The following PITPNM2 variants were observed in gnomAD, a reference collection of about 807,000 sequenced individuals.
The protein encoded by PITPNM2 is phosphatidylinositol transfer protein membrane associated 2.
PITPNM2 carries 35 observed loss-of-function variants against 132.2 expected under a neutral mutation model. The ratio of observed to expected loss-of-function variants is 0.26; its 90% confidence interval spans 0.20 to 0.35. The LOEUF is 0.35. Ranked by LOEUF, PITPNM2 falls within the 10% of genes least tolerant of loss-of-function variation. The probability of loss-of-function intolerance (pLI) is 1.00; values close to 1 mark genes in which losing one functional copy is unlikely to be tolerated. For missense variants in PITPNM2, 1,332 were observed against 1,912.0 expected (o/e 0.70, Z 5.66); for synonymous variants, 738 against 799.2 (o/e 0.92, Z 1.29).
intron 3 of PITPNM2, among the ~76,000 whole-genome samples, chr12:123,021,017 G>A (rs1321659781): frequency 4.0e-5 from 4 of 100,698 alleles, no homozygotes; most frequent in South Asian, 6.7e-4. Context: ...CGACAAGAGC[G>A]AAATTCCATC....
At position 123,082,709 on chromosome 12, in the gene PITPNM2, T is replaced by G. The variant is rs2042000115; in HGVS notation, c.-96+27676A>C. 2 of 152,308 alleles carry G rather than the reference T, an allele frequency of 1.3e-5. No individual in the cohort carries two copies. Among genetic ancestry groups the G allele is most frequent in the African/African-American group, 4.8e-5 (2 of 41,460 alleles). 9.4% of individuals were successfully genotyped at this position (152,308 alleles called of 1,614,324 possible). A position where few individuals can be genotyped will look rare whatever the true frequency, so the allele number is the denominator to read the frequency against. Reference sequence around the variant, plus strand: ...CCTTGGCCTCCCAAAGTGCTGGGATTGCAGGCGTGGCCACCGTGCCTGACC... The same window carrying G: ...CCTTGGCCTCCCAAAGTGCTGGGATGGCAGGCGTGGCCACCGTGCCTGACC... On this transcript the variant is annotated intron_variant, in intron 2 of 25. Transcript: ENST00000320201. The surrounding 1 kb of genome is among the most constrained non-coding windows in gnomAD (Gnocchi z 5.4).
chr12:123,005,892 G>GT lies in PITPNM2; in HGVS notation c.644-345dup, dbSNP rs1419689198. The GT allele has an allele frequency of 4.0e-6, 1 of 251,060 alleles. No individual in the cohort carries two copies. Among genetic ancestry groups the GT allele is most frequent in the Non-Finnish European group, 7.5e-6 (1 of 132,756 alleles). 15.6% of individuals were successfully genotyped at this position (251,060 alleles called of 1,614,324 possible). ...GTGGGAGGACAGCTTGAGTCCAAGG[G>GT]TTTGAGATCAGCCTGGGCAACGAAA... On this transcript the variant is annotated intron_variant, in intron 6 of 25. Transcript: ENST00000320201. This position sits in a 1 kb window ranked among gnomAD's most constrained non-coding sequence, Gnocchi z 6.2.
At chr12:123,026,988 T>C (rs550310664) in intron 3 of PITPNM2, among the ~76,000 whole-genome samples, 1 of 152,308 alleles carries the variant, frequency 6.6e-6, no homozygotes, top group South Asian at 2.1e-4. Context: ...AAGGCCACAT[T>C]CTGAGACTGC....
At chr12:123,068,278 T>G (rs552137371) in intron 2 of PITPNM2, among the ~76,000 whole-genome samples, 1 of 151,950 alleles carries the variant, frequency 6.6e-6, no homozygotes, top group Non-Finnish European at 1.5e-5. Flanking sequence ...ACATCCTGGC[T>G]AACACGGTGA....
intron 3 of PITPNM2, among the ~76,000 whole-genome samples, chr12:123,028,304 C>T (rs973408918): frequency 1.3e-5 from 2 of 152,196 alleles, no homozygotes; most frequent in African/African-American, 2.4e-5. Flanking sequence ...CTTTGACGCG[C>T]GAGCCCAGCC....
chr12:123,128,874 C>A (rs532448606), intron 1 of PITPNM2, among the ~76,000 whole-genome samples: 1 of 152,064 alleles, frequency 6.6e-6, no homozygotes, highest in East Asian at 1.9e-4. Context: ...AGTGGGCTCA[C>A]GCCTGTAATC....
chr12:123,009,070 G>A lies in PITPNM2; in HGVS notation c.643+780C>T, dbSNP rs187164025. 2.0e-5 allele frequency among the ~76,000 whole-genome samples: 3 copies of A among 152,320 alleles called. No individual in the cohort carries two copies. The highest frequency in any genetic ancestry group is 4.4e-5 in the Non-Finnish European group (3 of 68,020). ...ACAATGCCTACCCTCATGGGTTATC[G>A]TAAGCTTACGTGACAAGCGTGATAT... On this transcript the variant is annotated intron_variant, in intron 6 of 25. Coordinates refer to ENST00000320201, the MANE Select transcript of PITPNM2 (RefSeq NM_020845.3). The surrounding 1 kb of genome is among the most constrained non-coding windows in gnomAD (Gnocchi z 4.8).
intron 2 of PITPNM2, among the ~76,000 whole-genome samples, chr12:123,070,024 G>A (rs888519671): frequency 6.6e-6 from 1 of 152,166 alleles, no homozygotes; most frequent in Non-Finnish European, 1.5e-5. Flanking sequence ...TGAGTGACTG[G>A]CAAGGAGCTA....
chr12:123,085,190 T>TG (rs2137049579), intron 2 of PITPNM2, among the ~76,000 whole-genome samples: 1 of 152,294 alleles, frequency 6.6e-6, no homozygotes, highest in East Asian at 1.9e-4. Context: ...AACAGGTAGA[T>TG]CCAGGAGCTG....
rs1156593060 is a variant in PITPNM2 at position 123,073,441 on chromosome 12, G to A, written c.-96+36944C>T. Among the ~76,000 whole-genome samples, 3 of 151,956 alleles carry A rather than the reference G, an allele frequency of 2.0e-5. 1 individual carries two copies. Among genetic ancestry groups the A allele is most frequent in the Non-Finnish European group, 2.9e-5 (2 of 67,944 alleles). On this transcript the variant is annotated intron_variant, in intron 2 of 25. Transcript: ENST00000320201. ...TAACAACAGCCTACCATTCGCCACC[G>A]CCTACACAGGTGGTTCATCTCCTAG...
intron 1 of PITPNM2, among the ~76,000 whole-genome samples, chr12:123,128,898 G>A (rs2043204008): frequency 6.6e-6 from 1 of 152,182 alleles, no homozygotes; most frequent in Non-Finnish European, 1.5e-5. Flanking sequence ...GCACTTGGGA[G>A]GCCAAGAGGG....
chr12:123,023,429 C>T lies in PITPNM2; in HGVS notation c.79-9387G>A, dbSNP rs889426114. On this transcript the variant is annotated intron_variant, in intron 3 of 25. Transcript: ENST00000320201. The surrounding 1 kb of genome is among the most constrained non-coding windows in gnomAD (Gnocchi z 4.8). The stretch of plus-strand genomic sequence containing the variant: ...AAAAATGGAACCAGGAGGACACTTA[C>T]AAAGACATCCTCAAGATGACCTACT... Among the ~76,000 whole-genome samples the T allele has an allele frequency of 6.6e-6, 1 of 152,148 alleles. No individual in the cohort carries two copies. Among genetic ancestry groups the T allele is most frequent in the Non-Finnish European group, 1.5e-5 (1 of 68,026 alleles).
intron 3 of PITPNM2, among the ~76,000 whole-genome samples, chr12:123,018,685 G>C (rs529530556): frequency 6.6e-6 from 1 of 151,932 alleles, no homozygotes; most frequent in Non-Finnish European, 1.5e-5. Flanking sequence ...TTGGCCTCAA[G>C]TAATTCTCCT....
At chr12:123,085,094 G>A (rs1289801392) in intron 2 of PITPNM2, among the ~76,000 whole-genome samples, 2 of 152,342 alleles carry the variant, frequency 1.3e-5, no homozygotes, top group East Asian at 3.9e-4. Flanking sequence ...GCCCTGAGAT[G>A]AACCTAGAGT....
intron 1 of PITPNM2, among the ~76,000 whole-genome samples, chr12:123,134,826 G>C (rs1422939171): frequency 6.6e-6 from 1 of 152,122 alleles, no homozygotes; most frequent in Non-Finnish European, 1.5e-5. Context: ...GGGACCTTGA[G>C]GAAATAAGGC....
intron 6 of PITPNM2, among the ~76,000 whole-genome samples, chr12:123,007,673 T>C (rs751265189): frequency 6.6e-5 from 10 of 152,152 alleles, no homozygotes; most frequent in Non-Finnish European, 1.2e-4. Flanking sequence ...GCCTCAGATG[T>C]GGCACACTGA....
chr12:123,053,561 TC>T (rs1352889515), intron 2 of PITPNM2, among the ~76,000 whole-genome samples: 45 of 149,442 alleles, frequency 3.0e-4, no homozygotes, highest in Non-Finnish European at 6.1e-4. Flanking sequence ...AATGGTGACA[TC>T]TTTTTTTTTT....
chr12:122,986,755 G>A lies in PITPNM2; in HGVS notation c.3488C>T (p.Ala1163Val), dbSNP rs2037951797. The change falls in exon 24 of 26, where the codon GCG becomes GTG. Residue 1163 changes from alanine (A) to valine (V), a missense_variant. By Grantham distance (64) the Ala-to-Val change is moderately conservative. Coordinates refer to ENST00000320201, the MANE Select transcript of PITPNM2 (RefSeq NM_020845.3). ...RPDMQKQRVV[A>V]WLAQHNFPHG... ...GGGGAAGTTGTGCTGGGCCAGCCAC[G>A]CCACCACCCGCTGCTTCTGCATGTC... 6.2e-7 allele frequency: 1 copy of A among 1,613,526 alleles called. No individual in the cohort carries two copies. Among genetic ancestry groups the A allele is most frequent in the Non-Finnish European group, 8.5e-7 (1 of 1,179,990 alleles).
intron 2 of PITPNM2, among the ~76,000 whole-genome samples, chr12:123,040,389 T>TTA (rs1018946303): frequency 6.6e-6 from 1 of 152,144 alleles, no homozygotes; most frequent in Non-Finnish European, 1.5e-5. Flanking sequence ...AAAGTTTATG[T>TTA]TATATATATA....
Sources: allele counts gnomAD v4.1 joint callset (sites outside exome capture counted in the v4.1 genomes callset), GRCh38; gene constraint gnomAD v4.1.1; non-coding constraint Gnocchi (gnomAD v3.1); transcripts MANE v1.5; gene names NCBI Gene and HGNC (gene_info 2026-07-23, HGNC 2026-07-21).